Variants in GALNTL6 observed in about 807,000 individuals in gnomAD.
The protein encoded by GALNTL6 is polypeptide N-acetylgalactosaminyltransferase like 6.
Under a neutral mutation model 73.7 loss-of-function variants are expected in GALNTL6, and 46 were observed. The ratio of observed to expected loss-of-function variants is 0.62; its 90% CI spans 0.49 to 0.80. The LOEUF is 0.80. Among genes scored for constraint, GALNTL6 ranks in the 30% least tolerant of loss-of-function variants. GALNTL6 has a pLI of 0.00. For synonymous variants in GALNTL6, 259 were observed against 263.7 expected (o/e 0.98, Z 0.17); for missense variants, 604 against 755.0 (o/e 0.80, Z 2.34).
chr4:172,177,755 GTGTGTATATATA>G, intron 2 of GALNTL6, among the ~76,000 whole-genome samples: 1 of 54,876 alleles, frequency 1.8e-5, no homozygotes, highest in East Asian at 4.8e-4. Flanking sequence ...GTATATATAT[GTGTGTATATATA>G]TGTACACATA....
At chr4:172,350,629 T>C (rs1741909840) in intron 5 of GALNTL6, among the ~76,000 whole-genome samples, 1 of 152,190 alleles carries the variant, frequency 6.6e-6, no homozygotes, top group Non-Finnish European at 1.5e-5. Context: ...TTATGAGCAA[T>C]CAAATTGAAA....
intron 2 of GALNTL6, among the ~76,000 whole-genome samples, chr4:172,185,440 C>T (rs552694578): frequency 6.6e-6 from 1 of 152,318 alleles, no homozygotes; most frequent in African/African-American, 2.4e-5. Context: ...ATCTGCAACA[C>T]ATACATCACA....
At position 172,352,759 on chromosome 4, in the gene GALNTL6, G is replaced by A. The variant is rs1262278231; in HGVS notation, c.553+4070G>A. 3.3e-5 allele frequency among the ~76,000 whole-genome samples: 5 copies of A among 152,122 alleles called. No homozygotes were observed. In the East Asian group the frequency reaches 9.7e-4, roughly 30 times the overall value. On this transcript the variant is annotated intron_variant, in intron 5 of 12. Transcript: ENST00000506823. ...GAGGCACTGCTGTATACCCGAGTAT[G>A]CACACACAAACAGAGGCACACAGGC...
intron 10 of GALNTL6, among the ~76,000 whole-genome samples, chr4:172,996,852 T>TG (rs1751814598): frequency 6.6e-6 from 1 of 151,458 alleles, no homozygotes; most frequent in South Asian, 2.1e-4. Context: ...AGAAATGGAT[T>TG]TTTTTAAGTC....
At chr4:171,940,334 T>G (rs1738491789) in intron 2 of GALNTL6, among the ~76,000 whole-genome samples, 1 of 147,502 alleles carries the variant, frequency 6.8e-6, no homozygotes, top group Non-Finnish European at 1.5e-5. Context: ...GTTGTATTCT[T>G]ATTTGGGGAT....
At chr4:172,143,688 C>G (rs1480597356) in intron 2 of GALNTL6, among the ~76,000 whole-genome samples, 1 of 152,026 alleles carries the variant, frequency 6.6e-6, no homozygotes, top group African/African-American at 2.4e-5. Context: ...ACTGCCTGCC[C>G]CCCATTCATG....
intron 5 of GALNTL6, among the ~76,000 whole-genome samples, chr4:172,706,873 C>A (rs1308662566): frequency 6.6e-6 from 1 of 152,162 alleles, no homozygotes; most frequent in Non-Finnish European, 1.5e-5. Flanking sequence ...AGATGAAAAG[C>A]AGCCACAGAG....
intron 9 of GALNTL6, among the ~76,000 whole-genome samples, chr4:172,942,212 A>C (rs778295324): frequency 5.3e-5 from 8 of 152,356 alleles, no homozygotes; most frequent in South Asian, 4.1e-4. Context: ...GGACAGATAT[A>C]ATTTGTAATC....
intron 8 of GALNTL6, among the ~76,000 whole-genome samples, chr4:172,901,755 G>C (rs1469856563): frequency 6.6e-6 from 1 of 152,106 alleles, no homozygotes; most frequent in Non-Finnish European, 1.5e-5. Flanking sequence ...CTTCAAATCT[G>C]TTTCTATGTA....
intron 5 of GALNTL6, among the ~76,000 whole-genome samples, chr4:172,763,751 GA>G (rs1346508244): frequency 6.6e-6 from 1 of 152,120 alleles, no homozygotes; most frequent in Non-Finnish European, 1.5e-5. Context: ...AAGCGGCTTA[GA>G]TTTTCTACAA....
intron 5 of GALNTL6, among the ~76,000 whole-genome samples, chr4:172,788,724 C>T (rs935103307): frequency 7.0e-6 from 1 of 143,836 alleles, no homozygotes; most frequent in African/African-American, 2.5e-5. Flanking sequence ...TACATACTTA[C>T]AAGGAGAGAA....
In GALNTL6 at chr4:172,825,122, CTTTCT is replaced by C. The variant is rs1560977592; in HGVS notation, c.923+11402_923+11406del. 1.4e-4 allele frequency among the ~76,000 whole-genome samples: 12 copies of C among 84,604 alleles called. No homozygotes were observed. The East Asian group carries it at 3.9e-3, about 27-fold the overall frequency. The allele number at this position is 84,604 out of a possible 152,430, so 55.5% of individuals were successfully genotyped here. ...TCTTTCTTTCTTTCTTTCTTTCTTT[CTTTCT>C]TTCTTCCTTTCTTTCCTTTTTGGTC... On this transcript the variant is annotated intron_variant, in intron 7 of 12. Transcript: ENST00000506823.
At position 172,132,386 on chromosome 4, in the gene GALNTL6, C is replaced by T. The variant is rs563315047; in HGVS notation, c.139-97270C>T. Among the ~76,000 whole-genome samples, 279 of 152,060 alleles carry T rather than the reference C, an allele frequency of 1.8e-3. 4 individuals are homozygous for T. The highest frequency in any genetic ancestry group is 8.4e-4 in the Non-Finnish European group (57 of 67,924). On this transcript the variant is annotated intron_variant, in intron 2 of 12. Coordinates refer to ENST00000506823, the MANE Select transcript of GALNTL6 (RefSeq NM_001034845.3). ...ATGTGATTTAGATGACATTTTGTTTCTATCACCAAAAAATCATCTTTTCCA... is the reference window on the plus strand; with the variant it reads ...ATGTGATTTAGATGACATTTTGTTTTTATCACCAAAAAATCATCTTTTCCA...
chr4:172,292,614 T>C (rs938118882), intron 3 of GALNTL6, among the ~76,000 whole-genome samples: 1 of 152,112 alleles, frequency 6.6e-6, no homozygotes, highest in Non-Finnish European at 1.5e-5. Flanking sequence ...TTCTAAGTCA[T>C]ACAGCTGATA....
At chr4:172,101,352 A>G (rs1359521024) in intron 2 of GALNTL6, among the ~76,000 whole-genome samples, 1 of 152,216 alleles carries the variant, frequency 6.6e-6, no homozygotes, top group Non-Finnish European at 1.5e-5. Context: ...TTTGAATAGC[A>G]AACACTCATT....
chr4:172,724,166 G>A (rs888091918), intron 5 of GALNTL6, among the ~76,000 whole-genome samples: 26 of 152,184 alleles, frequency 1.7e-4, no homozygotes, highest in East Asian at 7.7e-4. Context: ...TCAAACCTGC[G>A]TCACCCTATT....
chr4:172,134,208 C>A (rs1438112334), intron 2 of GALNTL6, among the ~76,000 whole-genome samples: 1 of 151,848 alleles, frequency 6.6e-6, no homozygotes, highest in Non-Finnish European at 1.5e-5. Context: ...TCGGTGAAAC[C>A]CCATCTCTAC....
intron 3 of GALNTL6, among the ~76,000 whole-genome samples, chr4:172,293,953 C>T (rs573897949): frequency 6.6e-6 from 1 of 151,366 alleles, no homozygotes; most frequent in Non-Finnish European, 1.5e-5. Context: ...AAGCCATGAC[C>T]ATTTCAGGGT....
intron 5 of GALNTL6, among the ~76,000 whole-genome samples, chr4:172,767,571 T>C (rs1244201045): frequency 2.0e-5 from 3 of 151,962 alleles, no homozygotes; most frequent in Non-Finnish European, 2.9e-5. Context: ...TAAGGTAGTT[T>C]AAAATTCTAG....
Sources: gnomAD v4.1 joint callset for allele counts (sites outside exome capture counted in the v4.1 genomes callset) on GRCh38, gnomAD v4.1.1 for gene constraint, MANE v1.5 for transcripts, NCBI Gene and HGNC (gene_info 2026-07-23, HGNC 2026-07-21) for gene names.